TTC34: variants seen among roughly 807,000 people sequenced by gnomAD.
The protein encoded by TTC34 is tetratricopeptide repeat protein 34.
A neutral mutation model predicts 40.7 loss-of-function variants in TTC34; 44 were observed. That is an observed-to-expected ratio of 1.08 (90% CI 0.85 to 1.39). The LOEUF (loss-of-function observed/expected upper bound fraction) is 1.39. Ranked by LOEUF, TTC34 falls within the 40% of genes most tolerant of loss-of-function variation. The pLI, the probability that TTC34 is intolerant of heterozygous loss-of-function variation, is 0.00. For synonymous variants in TTC34, 422 were observed against 398.6 expected (o/e 1.06, Z -0.70); for missense variants, 884 against 838.0 (o/e 1.05, Z -0.68).
chr1:2,785,815 C>T lies in TTC34; in HGVS notation c.2059+4G>A. 1 of 1,543,728 alleles carries T rather than the reference C, an allele frequency of 6.5e-7. No individual in the cohort carries two copies. Among genetic ancestry groups the T allele is most frequent in the Non-Finnish European group, 8.7e-7 (1 of 1,143,700 alleles). Reference sequence around the variant, plus strand: ...GGCCCTGGGGGCAGGTGGGCAGCTCCTACCTGCGGCAAAGATGGCCAGAGA... The same window carrying T: ...GGCCCTGGGGGCAGGTGGGCAGCTCTTACCTGCGGCAAAGATGGCCAGAGA... On this transcript the variant is annotated splice_donor_region_variant and intron_variant, in intron 5 of 8. Coordinates refer to ENST00000401095, the Ensembl canonical transcript of TTC34.
chr1:2,752,462 G>A (rs1354392777), intron 6 of TTC34, among the ~76,000 whole-genome samples: 2,423 of 139,298 alleles, frequency 0.017, 3 homozygotes, highest in Non-Finnish European at 0.025. Context: ...CCCCAGGTGC[G>A]CACGTGACAG....
In TTC34 at chr1:2,764,360, C is replaced by G. The variant is rs1272856029; in HGVS notation, c.2226+19249G>C. On this transcript the variant is annotated intron_variant, in intron 6 of 8. Coordinates refer to ENST00000401095, the Ensembl canonical transcript of TTC34. Reference sequence around the variant, plus strand: ...CCCACACCCCCAAGTGAGCAGGTGACAGCCTGGAGCAGTGCCCACACCCCC... The same window carrying G: ...CCCACACCCCCAAGTGAGCAGGTGAGAGCCTGGAGCAGTGCCCACACCCCC... 6.8e-4 allele frequency among the ~76,000 whole-genome samples: 99 copies of G among 144,942 alleles called. 2 individuals are homozygous for G. Among genetic ancestry groups the G allele is most frequent in the Admixed American group, 1.4e-3 (21 of 14,556 alleles).
intron 6 of TTC34, among the ~76,000 whole-genome samples, chr1:2,700,370 C>T (rs1412541196): frequency 8.5e-6 from 1 of 117,990 alleles, no homozygotes; most frequent in African/African-American, 2.7e-5. Context: ...GCAGCGCCCA[C>T]AACCCCAGGT....
intron 6 of TTC34, among the ~76,000 whole-genome samples, chr1:2,687,037 C>CGCTGCA (rs1640392265): frequency 1.4e-5 from 2 of 147,640 alleles, no homozygotes; most frequent in African/African-American, 2.6e-5. Flanking sequence ...TGGAGCAGCA[C>CGCTGCA]CCACAACCCC....
At chr1:2,685,178 T>G (rs67980924) in intron 6 of TTC34, among the ~76,000 whole-genome samples, 1,672 of 10,902 alleles carry the variant, frequency 0.15, 5 homozygotes, top group East Asian at 0.21. Context: ...AGCATCTGAC[T>G]GCCTGGAACA....
At chr1:2,777,492 C>T (rs1426039092) in intron 6 of TTC34, among the ~76,000 whole-genome samples, 1 of 151,952 alleles carries the variant, frequency 6.6e-6, no homozygotes, top group Non-Finnish European at 1.5e-5. Flanking sequence ...TATGTGCTGT[C>T]CTTTTCCACC....
At chr1:2,699,492 A>G (rs1165906041) in intron 6 of TTC34, among the ~76,000 whole-genome samples, 1 of 123,454 alleles carries the variant, frequency 8.1e-6, no homozygotes, top group South Asian at 2.6e-4. Context: ...CAGCACCCAC[A>G]CACCCAGGCG....
At chr1:2,691,356 CT>C (rs1640609578) in intron 6 of TTC34, among the ~76,000 whole-genome samples, 1 of 82,826 alleles carries the variant, frequency 1.2e-5, no homozygotes, top group Non-Finnish European at 2.7e-5. Context: ...AGGTGAGCAT[CT>C]GACAGCCTGG....
chr1:2,794,737 G>C (rs1202430504), intron 2 of TTC34, among the ~76,000 whole-genome samples: 1 of 151,942 alleles, frequency 6.6e-6, no homozygotes, highest in African/African-American at 2.4e-5. Context: ...GGTGGGTTTG[G>C]GATAGATATT....
chr1:2,698,941 C>A (rs796937250), intron 6 of TTC34, among the ~76,000 whole-genome samples: 1 of 79,160 alleles, frequency 1.3e-5, no homozygotes, highest in Non-Finnish European at 3.0e-5. Flanking sequence ...CTCAGGTGAG[C>A]ATCTGACAGC....
intron 2 of TTC34, among the ~76,000 whole-genome samples, chr1:2,799,750 G>T (rs1643752821): frequency 6.6e-6 from 1 of 152,156 alleles, no homozygotes; most frequent in South Asian, 2.1e-4. Flanking sequence ...CTAAGGACTT[G>T]GCACATTTGC....
At position 2,755,566 on chromosome 1, in the gene TTC34, C is replaced by T. The variant is rs1332296612; in HGVS notation, c.2226+28043G>A. ...ACCCACAGGCGAGCATCTGAAACCA[C>T]GGAGCAGCACCCACACCTCCCGGCG... On this transcript the variant is annotated intron_variant, in intron 6 of 8. Transcript: ENST00000401095. Among the ~76,000 whole-genome samples, 12 of 52,564 alleles carry T rather than the reference C, an allele frequency of 2.3e-4. 1 individual carries two copies. Among genetic ancestry groups the T allele is most frequent in the Non-Finnish European group, 4.1e-4 (12 of 28,956 alleles). 34.5% of individuals were successfully genotyped at this position (52,564 alleles called of 152,430 possible).
Position 2,675,468 on chromosome 1 carries a change from AACAGCACCCACAC to A in TTC34, c.2227-29918_2227-29906del, listed in dbSNP as rs1557600056. 1.7e-3 allele frequency among the ~76,000 whole-genome samples: 187 copies of A among 107,826 alleles called. 1 individual carries two copies. The highest frequency in any genetic ancestry group is 2.8e-3 in the Non-Finnish European group (124 of 45,054). 70.7% of individuals were successfully genotyped at this position (107,826 alleles called of 152,430 possible). A position where few individuals can be genotyped will look rare whatever the true frequency, so the allele number is the denominator to read the frequency against. On this transcript the variant is annotated intron_variant, in intron 6 of 8. Transcript: ENST00000401095. ...CACAGGTGAGCATCTGACAGCATGT[AACAGCACCCACAC>A]TCCCAGGTGAGCATCTGACAGCCTG...
At chr1:2,688,403 C>A (rs1211161152) in intron 6 of TTC34, among the ~76,000 whole-genome samples, 1 of 151,880 alleles carries the variant, frequency 6.6e-6, no homozygotes, top group South Asian at 2.1e-4. Context: ...TGGAACAGCA[C>A]CCACACCCCC....
At chr1:2,788,987 A>G (rs1178978762) in intron 3 of TTC34, among the ~76,000 whole-genome samples, 4 of 152,208 alleles carry the variant, frequency 2.6e-5, no homozygotes. Flanking sequence ...CTGAGGCAGA[A>G]GAATGGCCTG....
chr1:2,756,022 C>T (rs1220482211), intron 6 of TTC34, among the ~76,000 whole-genome samples: 3 of 86,842 alleles, frequency 3.5e-5, no homozygotes, highest in Middle Eastern at 4.6e-3. Flanking sequence ...ACAGCACACA[C>T]ACCCCCAGGC....
At chr1:2,686,600 AC>A (rs1264182373) in intron 6 of TTC34, among the ~76,000 whole-genome samples, 1 of 143,950 alleles carries the variant, frequency 6.9e-6, no homozygotes. Context: ...CAGCACACAC[AC>A]CCCCAGGCGA....
At chr1:2,656,669 C>A (rs868858606) in intron 6 of TTC34, among the ~76,000 whole-genome samples, 10 of 13,448 alleles carry the variant, frequency 7.4e-4, no homozygotes, top group African/African-American at 2.0e-3. Context: ...CCCAGGCGAG[C>A]ATCTGACAGC....
At chr1:2,778,690 C>T (rs1462675971) in intron 6 of TTC34, among the ~76,000 whole-genome samples, 1 of 152,226 alleles carries the variant, frequency 6.6e-6, no homozygotes, top group Non-Finnish European at 1.5e-5. Flanking sequence ...TCCTCTGATC[C>T]CCAGGAGGGG....
Sources: allele counts gnomAD v4.1 joint callset (sites outside exome capture counted in the v4.1 genomes callset), GRCh38; gene constraint gnomAD v4.1.1; transcripts MANE v1.5; gene names NCBI Gene and HGNC (gene_info 2026-07-23, HGNC 2026-07-21).